Variants in PRKAR1B observed in about 807,000 individuals in gnomAD.
PRKAR1B encodes the protein cAMP-dependent protein kinase type I-beta regulatory subunit.
A neutral mutation model predicts 46.5 loss-of-function variants in PRKAR1B; 22 were observed. That is an observed-to-expected ratio of 0.47 (90% CI 0.34 to 0.68). The LOEUF (loss-of-function observed/expected upper bound fraction) is 0.68, where lower values mean the gene tolerates loss of function less well. Ranked by LOEUF, PRKAR1B falls within the 30% of genes least tolerant of loss-of-function variation. The pLI, the probability that PRKAR1B is intolerant of heterozygous loss-of-function variation, is 0.01. For missense variants in PRKAR1B, 445 were observed against 535.6 expected (o/e 0.83, Z 1.67); for synonymous variants, 259 against 217.7 (o/e 1.19, Z -1.67).
chr7:668,346 A>G (rs1786048035), intron 4 of PRKAR1B, among the ~76,000 whole-genome samples: 1 of 152,220 alleles, frequency 6.6e-6, no homozygotes, highest in Non-Finnish European at 1.5e-5. Context: ...GATGCTGCAC[A>G]GGGGAGACAT....
chr7:583,413 C>G (rs1780330390), intron 8 of PRKAR1B, among the ~76,000 whole-genome samples: 1 of 66,318 alleles, frequency 1.5e-5, no homozygotes, highest in Admixed American at 1.4e-4. Flanking sequence ...CGTGTGCACA[C>G]CCACGCACAC....
chr7:626,874 A>G (rs913378879), intron 4 of PRKAR1B, among the ~76,000 whole-genome samples: 1 of 151,044 alleles, frequency 6.6e-6, no homozygotes. Flanking sequence ...ATGCTCAGCT[A>G]ATTTTTATTT....
intron 4 of PRKAR1B, among the ~76,000 whole-genome samples, chr7:662,263 C>T (rs1785628100): frequency 8.6e-6 from 1 of 116,168 alleles, no homozygotes; most frequent in Non-Finnish European, 1.8e-5. Context: ...AGGTCCCCCA[C>T]CCCAACGGGT....
chr7:711,424 G>A lies in PRKAR1B; in HGVS notation c.82C>T (p.Gln28Ter). The A allele has an allele frequency of 6.2e-7, 1 of 1,614,240 alleles. No individual in the cohort carries two copies. The highest frequency in any genetic ancestry group is 8.5e-7 in the Non-Finnish European group (1 of 1,180,038). ...CELYVQLHGI[Q>*]QVLKDCIVHL... Reference sequence around the variant, plus strand: ...ACGATACAGTCTTTGAGGACCTGCTGGATCCCGTGCAGCTGCACGTACAGC... The same window carrying A: ...ACGATACAGTCTTTGAGGACCTGCTAGATCCCGTGCAGCTGCACGTACAGC... Residue 28 changes from glutamine to a stop codon, truncating the protein, a stop_gained, in exon 2 of 11, where the codon CAG becomes TAG. Coordinates refer to ENST00000537384, the MANE Select transcript of PRKAR1B (RefSeq NM_001164760.2). LOFTEE classifies it high-confidence loss of function.
intron 2 of PRKAR1B, among the ~76,000 whole-genome samples, chr7:690,817 G>T (rs1204724302): frequency 6.6e-6 from 1 of 152,166 alleles, no homozygotes; most frequent in African/African-American, 2.4e-5. Context: ...ACAACACCCA[G>T]CAGTCCTGTG....
chr7:609,148 G>A (rs1038224983), intron 4 of PRKAR1B, among the ~76,000 whole-genome samples: 2 of 152,118 alleles, frequency 1.3e-5, no homozygotes, highest in African/African-American at 2.4e-5. Context: ...CCCCAGTCCC[G>A]GGCACCTGGC....
At chr7:652,139 AC>A (rs1407701611) in intron 4 of PRKAR1B, among the ~76,000 whole-genome samples, 1 of 140,214 alleles carries the variant, frequency 7.1e-6, no homozygotes, top group Non-Finnish European at 1.5e-5. Flanking sequence ...GACAGTTCAC[AC>A]CCACACAGTG....
chr7:610,087 C>T (rs1782389571), intron 4 of PRKAR1B, among the ~76,000 whole-genome samples: 1 of 152,156 alleles, frequency 6.6e-6, no homozygotes. Flanking sequence ...TTCACCTGTT[C>T]CTGCCCAGAT....
intron 7 of PRKAR1B, among the ~76,000 whole-genome samples, chr7:587,255 G>T (rs1780654828): frequency 1.3e-5 from 2 of 152,156 alleles, no homozygotes; most frequent in Non-Finnish European, 2.9e-5. Context: ...GCTGTTCAAA[G>T]CATCTTCCCA....
chr7:589,956 A>G (rs1780883738), intron 7 of PRKAR1B, among the ~76,000 whole-genome samples: 1 of 152,250 alleles, frequency 6.6e-6, no homozygotes, highest in African/African-American at 2.4e-5. Context: ...TGTGAGGGTC[A>G]GGCAGCTGGG....
At chr7:557,661 G>A (rs952167686) in intron 9 of PRKAR1B, among the ~76,000 whole-genome samples, 9 of 152,274 alleles carry the variant, frequency 5.9e-5, no homozygotes, top group South Asian at 4.1e-4. Context: ...CAACCACCAC[G>A]TACCCTCAGT....
chr7:563,748 C>T (rs1032689058), intron 9 of PRKAR1B, among the ~76,000 whole-genome samples: 4 of 151,162 alleles, frequency 2.6e-5, no homozygotes, highest in Non-Finnish European at 4.4e-5. Context: ...TGTGTATGTA[C>T]GTGTGTGTGC....
chr7:718,206 G>A (rs1442603762), intron 1 of PRKAR1B, among the ~76,000 whole-genome samples: 2 of 150,512 alleles, frequency 1.3e-5, no homozygotes, highest in East Asian at 3.9e-4. Context: ...CTGGACTCCT[G>A]ACCCACAGAC....
At chr7:615,369 G>A (rs921835544) in intron 4 of PRKAR1B, among the ~76,000 whole-genome samples, 17 of 151,868 alleles carry the variant, frequency 1.1e-4, no homozygotes, top group African/African-American at 3.6e-4. Flanking sequence ...AGCTTGCAGT[G>A]AGCGGAGATC....
chr7:652,712 C>T lies in PRKAR1B; in HGVS notation c.440+24517G>A, dbSNP rs1019618272. 2.9e-4 allele frequency among the ~76,000 whole-genome samples: 44 copies of T among 152,232 alleles called. 1 individual carries two copies. The highest frequency in any genetic ancestry group is 5.3e-4 in the Non-Finnish European group (36 of 68,040). ...GTTTTCCCAGCTTGCTGTCCAGGGT[C>T]GCTGGAAGGGATAGAGATTTGGAGC... On this transcript the variant is annotated intron_variant, in intron 4 of 10. Coordinates refer to ENST00000537384, the MANE Select transcript of PRKAR1B (RefSeq NM_001164760.2).
chr7:631,776 A>AC (rs1783756975), intron 4 of PRKAR1B, among the ~76,000 whole-genome samples: 1 of 149,320 alleles, frequency 6.7e-6, no homozygotes. Flanking sequence ...ACATAGAGAG[A>AC]CCCCCATCTC....
At chr7:624,568 G>A (rs1386723480) in intron 4 of PRKAR1B, among the ~76,000 whole-genome samples, 1 of 152,188 alleles carries the variant, frequency 6.6e-6, no homozygotes, top group Non-Finnish European at 1.5e-5. Context: ...TAGCCATGAA[G>A]GTTTGAAATA....
intron 9 of PRKAR1B, among the ~76,000 whole-genome samples, chr7:557,222 C>T (rs947387177): frequency 1.3e-4 from 20 of 152,172 alleles, no homozygotes; most frequent in African/African-American, 4.8e-4. Context: ...CCTCAGAGCC[C>T]AGCAGACCTG....
intron 4 of PRKAR1B, among the ~76,000 whole-genome samples, chr7:639,952 C>A (rs1324608624): frequency 6.6e-6 from 1 of 151,884 alleles, no homozygotes; most frequent in Non-Finnish European, 1.5e-5. Flanking sequence ...ATCACAAGGT[C>A]AGGAGTTTGA....
Sources: allele counts gnomAD v4.1 joint callset (sites outside exome capture counted in the v4.1 genomes callset), GRCh38; gene constraint gnomAD v4.1.1; transcripts MANE v1.5; gene names NCBI Gene and HGNC (gene_info 2026-07-23, HGNC 2026-07-21).